XPA: variants seen among roughly 807,000 people sequenced by gnomAD.
XPA encodes XPA, DNA damage recognition and repair factor.
Under a neutral mutation model 35.7 loss-of-function variants are expected in XPA, and 27 were observed. The ratio of observed to expected loss-of-function variants is 0.76; its 90% CI spans 0.56 to 1.04. The LOEUF (loss-of-function observed/expected upper bound fraction) is 1.04. Among genes scored for constraint, XPA ranks in the 50% least tolerant of loss-of-function variants. The probability of loss-of-function intolerance (pLI) is 0.00; values close to 1 mark genes in which losing one functional copy is unlikely to be tolerated. For synonymous variants in XPA, 133 were observed against 118.4 expected, an observed-to-expected ratio of 1.12 and a Z score of -0.80; for missense variants, 354 against 342.7, an observed-to-expected ratio of 1.03 and a Z score of -0.26.
In XPA at chr9:97,697,313, C is replaced by G; in HGVS notation, c.-21G>C. 6.3e-7 allele frequency: 1 copy of G among 1,597,050 alleles called. No individual in the cohort carries two copies. On this transcript the variant is annotated 5_prime_UTR_variant, in exon 1 of 6. Coordinates refer to ENST00000375128, the MANE Select transcript of XPA (RefSeq NM_000380.4). ...GCCATCTCTGGCCCACTCCGAGGAC[C>G]TAGCTCCCAGCTCCACGCACGCGCA...
In XPA at chr9:97,692,675, A is replaced by G. The variant is rs533365774; in HGVS notation, c.283+974T>C. Among the ~76,000 whole-genome samples, 15 of 152,358 alleles carry G rather than the reference A, an allele frequency of 9.8e-5. No homozygotes were observed. In the South Asian group the frequency reaches 1.0e-3, roughly 11 times the overall value. ...TATTCTTTATAATGGGAATTCCTAA[A>G]TAAACACAATGATAATTTTCAAACT... is the stretch of plus-strand genomic sequence containing the variant. On this transcript the variant is annotated intron_variant, in intron 2 of 5. Coordinates refer to ENST00000375128, the MANE Select transcript of XPA (RefSeq NM_000380.4).
intron 3 of XPA, among the ~76,000 whole-genome samples, chr9:97,688,908 A>T (rs1564046578): frequency 2.0e-5 from 3 of 152,204 alleles, no homozygotes; most frequent in Non-Finnish European, 4.4e-5. Context: ...CTAAGATTCC[A>T]AGATAAGACC....
chr9:97,687,539 A>C (rs916461239), intron 3 of XPA, among the ~76,000 whole-genome samples: 2 of 152,156 alleles, frequency 1.3e-5, no homozygotes, highest in Admixed American at 1.3e-4. Context: ...TTGCAAAGAG[A>C]GCTTACAGCA....
chr9:97,658,732 A>G, the XPA span: 1 of 1,604,282 alleles, frequency 6.2e-7, no homozygotes, highest in Non-Finnish European at 8.5e-7. Context: ...AAGTATGGAG[A>G]TGAAAGTAGC....
downstream of XPA, among the ~76,000 whole-genome samples, chr9:97,674,732 GGTAAATGCTCA>G (rs1162327070): frequency 6.6e-6 from 1 of 152,162 alleles, no homozygotes; most frequent in East Asian, 1.9e-4. Context: ...GCACCTGGTT[GGTAAATGCTCA>G]GTAAATGTTA....
At chr9:97,662,062 C>A in the XPA span, 1 of 1,613,090 alleles carries the variant, frequency 6.2e-7, no homozygotes, top group Admixed American at 1.7e-5. Context: ...CAGTTTTAAC[C>A]CATTGAAAAT....
the XPA span, among the ~76,000 whole-genome samples, chr9:97,665,755 A>ACCCAC: frequency 2.7e-5 from 2 of 74,434 alleles, no homozygotes; most frequent in African/African-American, 5.0e-5. Context: ...ACTTCGCCCC[A>ACCCAC]CCCACCCCAC....
intron 1 of XPA, among the ~76,000 whole-genome samples, chr9:97,694,842 TGGAAACAACCCAAATAGCCACCAAAA>T (rs1828994967): frequency 6.6e-6 from 1 of 152,016 alleles, no homozygotes; most frequent in Admixed American, 6.5e-5. Flanking sequence ...AGCCCCAAAG[TGGAAACAACCCAAATAGCCACCAAAA>T]GGAAAATGGA....
At chr9:97,664,473 T>A in the XPA span, 4 of 1,465,634 alleles carry the variant, frequency 2.7e-6, no homozygotes, top group Non-Finnish European at 3.8e-6. Flanking sequence ...GAAACTTGTG[T>A]TCCCTAAGAA....
the XPA span, chr9:97,669,650 G>T: frequency 2.5e-6 from 4 of 1,613,178 alleles, no homozygotes; most frequent in Non-Finnish European, 3.4e-6. Flanking sequence ...TGGGACCAGT[G>T]TATTAACACC....
In XPA at chr9:97,691,743, C is replaced by G. The variant is rs142039879; in HGVS notation, c.283+1906G>C. On this transcript the variant is annotated intron_variant, in intron 2 of 5. Transcript: ENST00000375128. ...ACAAAAACAAAAAAAATTAGCCAGG[C>G]ATGGTAGTGTGTGCCTGTAGTCCCA... Among the ~76,000 whole-genome samples, 1,022 of 151,636 alleles carry G rather than the reference C, an allele frequency of 6.7e-3. 10 individuals carry two copies. The highest frequency in any genetic ancestry group is 0.024 in the African/African-American group (983 of 41,358).
chr9:97,658,421 CTCA>C, the XPA span, among the ~76,000 whole-genome samples: 1 of 152,196 alleles, frequency 6.6e-6, no homozygotes, highest in Non-Finnish European at 1.5e-5. Context: ...CATGAGCTCA[CTCA>C]CCCGCACCTC....
Position 97,686,412 on chromosome 9 carries a change from A to G in XPA, c.555+684T>C, listed in dbSNP as rs1828718450. On this transcript the variant is annotated intron_variant, in intron 4 of 5. Coordinates refer to ENST00000375128, the MANE Select transcript of XPA (RefSeq NM_000380.4). ...ATCTGCTCTGAGATTATAGAGCTAT[A>G]TGGACACTCGCTAGCATTCCAGATG... Among the ~76,000 whole-genome samples the G allele has an allele frequency of 2.6e-5, 4 of 152,192 alleles. No homozygotes were observed. The South Asian group carries it at 8.3e-4, about 32-fold the overall frequency.
At chr9:97,686,168 G>A (rs966979206) in intron 4 of XPA, among the ~76,000 whole-genome samples, 1 of 152,162 alleles carries the variant, frequency 6.6e-6, no homozygotes, top group Non-Finnish European at 1.5e-5. Context: ...GGATTTTCTA[G>A]TATAGTATAT....
chr9:97,665,768 C>T, the XPA span, among the ~76,000 whole-genome samples: 1 of 150,820 alleles, frequency 6.6e-6, no homozygotes, highest in Non-Finnish European at 1.5e-5. Context: ...CACCCCACCC[C>T]ACACAGTCAA....
the XPA span, among the ~76,000 whole-genome samples, chr9:97,657,889 T>G: frequency 1.3e-4 from 9 of 70,892 alleles, no homozygotes; most frequent in South Asian, 1.4e-3. Context: ...CGGTAAGCTC[T>G]CTCTCTCTCT....
At chr9:97,661,150 T>C in the XPA span, 8 of 1,548,198 alleles carry the variant, frequency 5.2e-6, no homozygotes, top group Non-Finnish European at 7.0e-6. Context: ...AACATGATGC[T>C]CTTAAAGCAA....
Position 97,687,140 on chromosome 9 carries a change from G to A in XPA, c.511C>T (p.His171Tyr), listed in dbSNP as rs1362296585. 6.2e-7 allele frequency: 1 copy of A among 1,612,680 alleles called. No homozygotes were observed. Among genetic ancestry groups the A allele is most frequent in the Admixed American group, 1.7e-5 (1 of 59,952 alleles). Reference protein sequence around the residue: ...PLKFIVKKNPHHSQWGDMKLY... With the variant: ...PLKFIVKKNPYHSQWGDMKLY... ...TTCATATCACCCCATTGTGAATGAT[G>A]TGGATTCTTCTTCACAATAAATTTA... The change falls in exon 4 of 6, where the codon CAT becomes TAT. Residue 171 changes from histidine (H) to tyrosine (Y), a missense_variant. Coordinates refer to ENST00000375128, the MANE Select transcript of XPA (RefSeq NM_000380.4).
intron 5 of XPA, among the ~76,000 whole-genome samples, chr9:97,681,996 A>ATC (rs748901604): frequency 3.1e-4 from 47 of 152,160 alleles, no homozygotes; most frequent in Non-Finnish European, 3.1e-4. Context: ...TCTGCCTTGT[A>ATC]TCTAACAAGG....
Sources: allele counts gnomAD v4.1 joint callset (sites outside exome capture counted in the v4.1 genomes callset), GRCh38; gene constraint gnomAD v4.1.1; transcripts MANE v1.5; gene names NCBI Gene and HGNC (gene_info 2026-07-23, HGNC 2026-07-21).